KIAA0040: variants seen among roughly 807,000 people sequenced by gnomAD.
KIAA0040 encodes the protein uncharacterized protein KIAA0040.
In KIAA0040, 10 loss-of-function variants were observed where a neutral mutation model predicts 7.2. The observed-to-expected ratio is 1.38, with a 90% CI of 0.85 to 2.34. KIAA0040 has a LOEUF of 2.34. Ranked by LOEUF, KIAA0040 falls within the 30% of genes most tolerant of loss-of-function variation. The pLI is 0.00. For synonymous variants in KIAA0040, 49 were observed against 40.1 expected (o/e 1.22, Z -0.84); for missense variants, 89 against 108.2 (o/e 0.82, Z 0.79).
intron 1 of KIAA0040, among the ~76,000 whole-genome samples, chr1:175,184,366 G>T (rs3766687): frequency 0.49 from 74,332 of 152,042 alleles, 18,709 homozygotes; most frequent in Non-Finnish European, 0.56. Flanking sequence ...ACCTCACACG[G>T]TGCCACTGGA....
At chr1:175,172,343 A>G (rs931205615) in intron 2 of KIAA0040, among the ~76,000 whole-genome samples, 10 of 152,346 alleles carry the variant, frequency 6.6e-5, no homozygotes, top group Admixed American at 6.5e-4. Flanking sequence ...TTTTCTTCTT[A>G]TATGCCAGAA....
In KIAA0040 at chr1:175,162,377, T is replaced by C. The variant is rs570409066; in HGVS notation, c.-133-1231A>G. Among the ~76,000 whole-genome samples, 9 of 152,118 alleles carry C rather than the reference T, an allele frequency of 5.9e-5. No homozygotes were observed. In the South Asian group the frequency reaches 6.2e-4, roughly 11 times the overall value. ...CAGTGAGGTGACATGTCTGAGGCCATAGAGACCCACCCAGGCCACACAGGC... is the reference window on the plus strand; with the variant it reads ...CAGTGAGGTGACATGTCTGAGGCCACAGAGACCCACCCAGGCCACACAGGC... On this transcript the variant is annotated intron_variant, in intron 3 of 3. Transcript: ENST00000423313.
chr1:175,161,191 T>G, intron 3 of KIAA0040, 45 bp from the exon 4 acceptor site: 2 of 554,014 alleles, frequency 3.6e-6, no homozygotes, highest in Non-Finnish European at 6.4e-6. Context: ...GCAGGGGGAC[T>G]GGTCTACAAT....
intron 1 of KIAA0040, among the ~76,000 whole-genome samples, chr1:175,182,034 C>G (rs1313090152): frequency 6.6e-6 from 1 of 152,216 alleles, no homozygotes. Flanking sequence ...ACCACTCCAG[C>G]CCCTGATGGG....
intron 3 of KIAA0040, among the ~76,000 whole-genome samples, chr1:175,166,087 T>A (rs1004896841): frequency 1.1e-4 from 17 of 152,144 alleles, no homozygotes; most frequent in Non-Finnish European, 2.1e-4. Context: ...GGTGGGAGGT[T>A]CAGTTCTCTA....
At chr1:175,167,387 T>C (rs1209667284) in intron 2 of KIAA0040, among the ~76,000 whole-genome samples, 1 of 152,176 alleles carries the variant, frequency 6.6e-6, no homozygotes, top group African/African-American at 2.4e-5. Flanking sequence ...AATACCTGTA[T>C]TGTGCTTTTT....
At chr1:175,161,678 TAA>T (rs1676551071) in intron 3 of KIAA0040, among the ~76,000 whole-genome samples, 1 of 152,194 alleles carries the variant, frequency 6.6e-6, no homozygotes, top group African/African-American at 2.4e-5. Context: ...TCCTCTGGGC[TAA>T]GAGGTCATCA....
chr1:175,163,802 G>T (rs2285217), intron 3 of KIAA0040, among the ~76,000 whole-genome samples: 58,461 of 152,030 alleles, frequency 0.38, 11,581 homozygotes, highest in East Asian at 0.54. Context: ...TTTTGTGCCA[G>T]GGGTTATGCT....
At chr1:175,161,171 G>A in intron 3 of KIAA0040, 25 bp from the exon 4 acceptor site, 1 of 606,940 alleles carries the variant, frequency 1.6e-6, no homozygotes, top group African/African-American at 1.9e-5. Context: ...ACAGACAACT[G>A]AAGAGAAATG....
chr1:175,181,362 T>C (rs1375185676), intron 1 of KIAA0040, among the ~76,000 whole-genome samples: 1 of 152,214 alleles, frequency 6.6e-6, no homozygotes, highest in Non-Finnish European at 1.5e-5. Context: ...GTTGACACCA[T>C]TGTGGCCAAG....
At chr1:175,178,948 T>C (rs1250899633) in intron 1 of KIAA0040, among the ~76,000 whole-genome samples, 3 of 135,726 alleles carry the variant, frequency 2.2e-5, no homozygotes, top group Admixed American at 7.3e-5. Context: ...CTGGTTATGT[T>C]TTATCAGAGT....
chr1:175,191,567 C>A (rs573514998), intron 1 of KIAA0040, among the ~76,000 whole-genome samples: 2 of 152,214 alleles, frequency 1.3e-5, no homozygotes, highest in African/African-American at 4.8e-5. Flanking sequence ...AGTTTAAAGG[C>A]TGGTAAGACG....
chr1:175,163,140 TG>T (rs1299873537), intron 3 of KIAA0040, among the ~76,000 whole-genome samples: 6 of 152,236 alleles, frequency 3.9e-5, no homozygotes, highest in Admixed American at 3.3e-4. Context: ...TCACAGGCGT[TG>T]CTCTGTGGCC....
intron 1 of KIAA0040, among the ~76,000 whole-genome samples, chr1:175,190,085 C>G (rs867821194): frequency 5.3e-5 from 8 of 152,326 alleles, no homozygotes; most frequent in Middle Eastern, 3.4e-3. Flanking sequence ...TAACTAAAGA[C>G]TTGGAGTGTG....
At chr1:175,170,603 C>T (rs1226377685) in intron 2 of KIAA0040, among the ~76,000 whole-genome samples, 7 of 152,166 alleles carry the variant, frequency 4.6e-5, no homozygotes, top group Non-Finnish European at 1.0e-4. Flanking sequence ...CTTCAACACT[C>T]GGACTAAGCT....
At chr1:175,190,171 T>C (rs1677813908) in intron 1 of KIAA0040, among the ~76,000 whole-genome samples, 1 of 152,262 alleles carries the variant, frequency 6.6e-6, no homozygotes, top group Non-Finnish European at 1.5e-5. Context: ...GATAATTAAA[T>C]GCATCTTTAC....
rs1251794823 is a variant in KIAA0040, at chr1:175,160,456, A to G, written c.*258T>C. The G allele has an allele frequency of 8.7e-6, 4 of 462,042 alleles. No homozygotes were observed. Among genetic ancestry groups the G allele is most frequent in the Non-Finnish European group, 1.5e-5 (4 of 258,786 alleles). 28.6% of individuals were successfully genotyped at this position (462,042 alleles called of 1,614,324 possible). A position where few individuals can be genotyped will look rare whatever the true frequency, so the allele number is the denominator to read the frequency against. ...TTTGCATGTGGGGTATGCCAGAGACAGGTGGGAGGCATGCCTGGGTCTGCA... is the reference window on the plus strand; with the variant it reads ...TTTGCATGTGGGGTATGCCAGAGACGGGTGGGAGGCATGCCTGGGTCTGCA... On this transcript the variant is annotated 3_prime_UTR_variant, in exon 4 of 4. Transcript: ENST00000423313.
At chr1:175,163,114 G>A (rs577753394) in intron 3 of KIAA0040, among the ~76,000 whole-genome samples, 4 of 152,288 alleles carry the variant, frequency 2.6e-5, no homozygotes, top group Admixed American at 2.0e-4. Flanking sequence ...CTCCAGATCC[G>A]CAAGGAGTGA....
chr1:175,178,566 T>C (rs1677300310), intron 1 of KIAA0040, among the ~76,000 whole-genome samples: 1 of 152,222 alleles, frequency 6.6e-6, no homozygotes, highest in African/African-American at 2.4e-5. Context: ...TAGTTAAGTA[T>C]TTACTATGTA....
Sources: allele counts gnomAD v4.1 joint callset (sites outside exome capture counted in the v4.1 genomes callset), GRCh38; gene constraint gnomAD v4.1.1; transcripts MANE v1.5; gene names NCBI Gene and HGNC (gene_info 2026-07-23, HGNC 2026-07-21).